The following MKRN2 variants were observed in gnomAD, a reference collection of about 807,000 sequenced individuals.
MKRN2 encodes E3 ubiquitin-protein ligase makorin-2.
MKRN2 carries 32 observed loss-of-function variants against 45.4 expected under a neutral mutation model. The observed-to-expected ratio is 0.70, with a 90% CI of 0.53 to 0.95. MKRN2 has a LOEUF of 0.95. MKRN2 is among the 40% of genes least tolerant of loss of function. The pLI is 0.00. For missense variants in MKRN2, 526 were observed against 536.7 expected (o/e 0.98, Z 0.20); for synonymous variants, 206 against 192.4 (o/e 1.07, Z -0.59).
intron 1 of MKRN2, among the ~76,000 whole-genome samples, chr3:12,564,392 G>T (rs1456476664): frequency 6.6e-6 from 1 of 152,156 alleles, no homozygotes; most frequent in African/African-American, 2.4e-5. Context: ...AGTTAATTGT[G>T]TTTAACTTTC....
At chr3:12,575,374 C>T (rs1559390845) in intron 5 of MKRN2, among the ~76,000 whole-genome samples, 2 of 152,096 alleles carry the variant, frequency 1.3e-5, no homozygotes, top group Non-Finnish European at 2.9e-5. Context: ...TTTCCCCCCA[C>T]CAAAAACGAA....
chr3:12,581,367 G>C (rs1397605483), intron 6 of MKRN2, among the ~76,000 whole-genome samples: 1 of 152,166 alleles, frequency 6.6e-6, no homozygotes, highest in Non-Finnish European at 1.5e-5. Flanking sequence ...ACAGCACTGC[G>C]GCCAGGAGGA....
At position 12,569,020 on chromosome 3, in the gene MKRN2, A is replaced by G. The variant is rs1373949327; in HGVS notation, c.155+17A>G. The G allele has an allele frequency of 2.5e-6, 4 of 1,604,950 alleles. No homozygotes were observed. The highest frequency in any genetic ancestry group is 1.7e-4 in the Middle Eastern group (1 of 6,052). ...TCGGTGCAGGCAAGGACTCTGCAAC[A>G]GATTCCAGCTGTGACACTGATTTCA... On this transcript the variant is annotated intron_variant, in intron 2 of 7. Transcript: ENST00000170447.
At chr3:12,557,355 G>A (rs898424454) in intron 1 of MKRN2, among the ~76,000 whole-genome samples, 179 bp downstream of exon 1, 7 of 152,254 alleles carry the variant, frequency 4.6e-5, no homozygotes, top group Non-Finnish European at 7.3e-5. Flanking sequence ...GGGGATCCGG[G>A]GGATGCGTGG....
intron 3 of MKRN2, 86 bp downstream of exon 3, chr3:12,570,338 A>G (rs2058091082): frequency 4.4e-6 from 6 of 1,374,068 alleles, no homozygotes; most frequent in African/African-American, 1.4e-5. Context: ...CCTCTTGTCA[A>G]GAGGACTCCT....
At chr3:12,566,028 A>AT (rs778144604) in intron 1 of MKRN2, among the ~76,000 whole-genome samples, 50 of 150,882 alleles carry the variant, frequency 3.3e-4, no homozygotes, top group Admixed American at 7.3e-4. Context: ...TGATTTTTGT[A>AT]TTTTTTATAC....
intron 6 of MKRN2, among the ~76,000 whole-genome samples, chr3:12,579,367 A>G (rs921377981): frequency 1.3e-5 from 2 of 152,076 alleles, no homozygotes; most frequent in African/African-American, 4.8e-5. Flanking sequence ...GGGTTTCGCC[A>G]TGTTGGCCAG....
intron 1 of MKRN2, among the ~76,000 whole-genome samples, chr3:12,563,647 G>T (rs2058052565): frequency 6.8e-6 from 1 of 147,370 alleles, no homozygotes; most frequent in Admixed American, 6.8e-5. Flanking sequence ...CTGCCACCAT[G>T]CCCGGCTACT....
In MKRN2 at chr3:12,576,670, TCCAA is replaced by T; in HGVS notation, c.898_901del (p.Pro300ValfsTer14). On this transcript the variant is annotated frameshift_variant, in exon 6 of 8. Transcript: ENST00000170447. LOFTEE classifies it high-confidence loss of function. ...GCCGTGTGATATCAGAGTTTGTAAT[TCCAA>T]GTGTGTATTGGGTGGAAGATCAGAA... is the stretch of plus-strand genomic sequence containing the variant. 1 of 1,609,654 alleles carries T rather than the reference TCCAA, an allele frequency of 6.2e-7. No homozygotes were observed. Among genetic ancestry groups the T allele is most frequent in the Non-Finnish European group, 8.5e-7 (1 of 1,176,216 alleles).
intron 6 of MKRN2, 107 bp downstream of exon 6, chr3:12,576,848 C>G (rs773923982): frequency 2.8e-4 from 186 of 655,168 alleles, no homozygotes; most frequent in Non-Finnish European, 4.4e-4. Context: ...GCCTCTTCCT[C>G]TCTTCCTTCT....
chr3:12,581,110 T>A (rs2058175455), intron 6 of MKRN2, among the ~76,000 whole-genome samples: 1 of 152,172 alleles, frequency 6.6e-6, no homozygotes, highest in African/African-American at 2.4e-5. Context: ...GCAGGGTTCT[T>A]AACATAGAGG....
intron 6 of MKRN2, 91 bp from the exon 7 acceptor site, chr3:12,581,717 G>GT (rs555258455): frequency 7.7e-6 from 11 of 1,428,994 alleles, no homozygotes; most frequent in African/African-American, 4.2e-5. Flanking sequence ...TACCTCTGGC[G>GT]TAAGGGTGGT....
At chr3:12,576,187 ATATGTG>A (rs1213454210) in intron 5 of MKRN2, among the ~76,000 whole-genome samples, 4 of 128,848 alleles carry the variant, frequency 3.1e-5, no homozygotes, top group Non-Finnish European at 6.3e-5. Flanking sequence ...AGGAAACCAT[ATATGTG>A]TGTGTGTGTG....
chr3:12,559,415 G>A (rs754825020), intron 1 of MKRN2, among the ~76,000 whole-genome samples: 1 of 151,870 alleles, frequency 6.6e-6, no homozygotes, highest in African/African-American at 2.4e-5. Context: ...CAGCGTGTGC[G>A]GTTTTTTGTG....
chr3:12,562,040 A>C (rs1055348565), intron 1 of MKRN2, among the ~76,000 whole-genome samples: 1 of 152,136 alleles, frequency 6.6e-6, no homozygotes, highest in Non-Finnish European at 1.5e-5. Context: ...GGCAGAAGAC[A>C]TGGGGGGTCT....
chr3:12,569,078 T>G lies in MKRN2; in HGVS notation c.155+75T>G, dbSNP rs890251224. On this transcript the variant is annotated intron_variant, in intron 2 of 7. Coordinates refer to ENST00000170447, the MANE Select transcript of MKRN2 (RefSeq NM_014160.5). ...AATGGGTCTTGATAAGGGGGAAATT[T>G]TAATGTAAAAGTAATATGGCAACAT... 8 of 1,499,242 alleles carry G rather than the reference T, an allele frequency of 5.3e-6. No individual in the cohort carries two copies. The African/African-American group carries it at 1.1e-4, about 21-fold the overall frequency. The allele number at this position is 1,499,242 out of a possible 1,614,324, so 92.9% of individuals were successfully genotyped here.
intron 1 of MKRN2, among the ~76,000 whole-genome samples, chr3:12,565,873 G>GT (rs897217293): frequency 1.3e-5 from 2 of 151,060 alleles, no homozygotes; most frequent in Non-Finnish European, 3.0e-5. Context: ...TTTTTTGTTT[G>GT]TTTTTTTGTT....
chr3:12,564,781 TCTCTC>T (rs1290274545), intron 1 of MKRN2, among the ~76,000 whole-genome samples: 14 of 152,318 alleles, frequency 9.2e-5, no homozygotes, highest in Non-Finnish European at 1.9e-4. Context: ...CACCCTCACT[TCTCTC>T]CTCCCAACCC....
intron 1 of MKRN2, among the ~76,000 whole-genome samples, chr3:12,567,639 C>A (rs2058077192): frequency 6.6e-6 from 1 of 152,018 alleles, no homozygotes; most frequent in African/African-American, 2.4e-5. Flanking sequence ...CAGGCATGCA[C>A]CTCCACTCCT....
Sources: gnomAD v4.1 joint callset for allele counts (sites outside exome capture counted in the v4.1 genomes callset) on GRCh38, gnomAD v4.1.1 for gene constraint, MANE v1.5 for transcripts, NCBI Gene and HGNC (gene_info 2026-07-23, HGNC 2026-07-21) for gene names.